FAM13B: variants seen among roughly 807,000 people sequenced by gnomAD.
FAM13B encodes the protein family with sequence similarity 13 member B.
Under a neutral mutation model 117.3 loss-of-function variants are expected in FAM13B, and 60 were observed. That is an observed-to-expected ratio of 0.51 (90% CI 0.42 to 0.63). FAM13B has a LOEUF of 0.63. FAM13B is among the 30% of genes least tolerant of loss of function. The pLI is 0.00. For missense variants in FAM13B, 972 were observed against 1,091.9 expected (o/e 0.89, Z 1.55); for synonymous variants, 332 against 356.1 (o/e 0.93, Z 0.76).
intron 10 of FAM13B, among the ~76,000 whole-genome samples, chr5:137,977,308 C>T (rs1774309948): frequency 6.6e-6 from 1 of 152,154 alleles, no homozygotes; most frequent in African/African-American, 2.4e-5. Context: ...TTAATTTCAC[C>T]CCAGTCCTGT....
chr5:138,043,442 C>CT (rs562460878), intron 1 of FAM13B, among the ~76,000 whole-genome samples: 2,490 of 138,408 alleles, frequency 0.018, 63 homozygotes, highest in African/African-American at 0.055. Flanking sequence ...TTCTTTCTTT[C>CT]TTTTTTTTTT....
At position 137,978,057 on chromosome 5, in the gene FAM13B, GTTTTGTT is replaced by G. The variant is rs1045427172; in HGVS notation, c.1179+7193_1179+7199del. On this transcript the variant is annotated intron_variant, in intron 10 of 23. Transcript: ENST00000689681. Reference sequence around the variant, plus strand: ...TAGTAATCTACACTTGGTTTTGTATGTTTTGTTTTTTGTTTTTTGTTTTTTTTTCAAA... The same window carrying G: ...TAGTAATCTACACTTGGTTTTGTATGTTTTGTTTTTTGTTTTTTTTTCAAA... Among the ~76,000 whole-genome samples, 40 of 151,638 alleles carry G rather than the reference GTTTTGTT, an allele frequency of 2.6e-4. 1 individual carries two copies. Among genetic ancestry groups the G allele is most frequent in the East Asian group, 1.6e-3 (8 of 5,160 alleles).
chr5:138,008,908 C>T (rs1485653371), intron 6 of FAM13B, among the ~76,000 whole-genome samples: 1 of 152,168 alleles, frequency 6.6e-6, no homozygotes, highest in Non-Finnish European at 1.5e-5. Context: ...TTTGGGAGGC[C>T]AAGGTGGGTG....
intron 7 of FAM13B, among the ~76,000 whole-genome samples, chr5:138,000,187 T>A (rs982574422): frequency 2.0e-5 from 3 of 152,156 alleles, no homozygotes; most frequent in Admixed American, 6.5e-5. Flanking sequence ...CACTTGCGCC[T>A]GGGAGCTTGA....
At chr5:137,986,449 A>T (rs7709289) in intron 9 of FAM13B, among the ~76,000 whole-genome samples, 2 of 147,268 alleles carry the variant, frequency 1.4e-5, no homozygotes, top group African/African-American at 2.6e-5. Flanking sequence ...AAAAATTGAT[A>T]TATGAAAAAC....
chr5:138,030,725 A>C (rs1789704630), intron 1 of FAM13B, among the ~76,000 whole-genome samples: 1 of 139,824 alleles, frequency 7.2e-6, no homozygotes, highest in African/African-American at 2.6e-5. Context: ...CCCCCCCCAA[A>C]AAAAAAAATT....
intron 10 of FAM13B, among the ~76,000 whole-genome samples, chr5:137,979,365 T>C (rs1240329192): frequency 6.6e-6 from 1 of 152,156 alleles, no homozygotes; most frequent in African/African-American, 2.4e-5. Context: ...CTACTGATTG[T>C]TGTTGTCCTT....
At chr5:138,034,422 C>G (rs955703030), upstream of FAM13B, among the ~76,000 whole-genome samples, 4 of 152,220 alleles carry the variant, frequency 2.6e-5, no homozygotes, top group Non-Finnish European at 5.9e-5. Flanking sequence ...TACTCTGATT[C>G]CAAACTCAGC....
At chr5:138,025,288 C>CATATATATATATATATATATAT (rs67314207) in intron 1 of FAM13B, among the ~76,000 whole-genome samples, 2 of 92,650 alleles carry the variant, frequency 2.2e-5, no homozygotes, top group Non-Finnish European at 3.9e-5. Flanking sequence ...CAAACAAAGC[C>CATATATATATATATATATATAT]ATATATATAT....
At chr5:137,986,199 G>A (rs1362329358) in intron 9 of FAM13B, among the ~76,000 whole-genome samples, 1 of 151,812 alleles carries the variant, frequency 6.6e-6, no homozygotes, top group Non-Finnish European at 1.5e-5. Flanking sequence ...TGCACTGGCT[G>A]GCAGTGCCAT....
intron 10 of FAM13B, among the ~76,000 whole-genome samples, chr5:137,966,488 T>TATAGAGAGAGAGAGAG (rs1461425784): frequency 8.8e-4 from 26 of 29,474 alleles, no homozygotes; most frequent in Non-Finnish European, 1.2e-3. Flanking sequence ...TATATATATA[T>TATAGAGAGAGAGAGAG]AGAGAGAGAG....
chr5:137,966,979 T>C (rs1040515239), intron 10 of FAM13B, among the ~76,000 whole-genome samples: 3 of 152,138 alleles, frequency 2.0e-5, no homozygotes, highest in Non-Finnish European at 2.9e-5. Context: ...CCATGATAAA[T>C]TCCAAATGGG....
rs779856268 is a variant in FAM13B at position 137,948,976 on chromosome 5, C to A, written c.2139G>T (p.Arg713Ser). 4 of 1,613,386 alleles carry A rather than the reference C, an allele frequency of 2.5e-6. No individual in the cohort carries two copies. The highest frequency in any genetic ancestry group is 3.3e-5 in the Admixed American group (2 of 59,988). ...TTACCTTGATATCTTCTGGAAGACA[C>A]CTCTCAATACGTTTTTCTTTCAGTC... ...LKRLKEKRIE[R>S]CLPEDIKKMT... is the part of the protein sequence containing the mutation. Residue 713 changes from arginine to serine, a missense_variant, in exon 18 of 24, where the codon AGG becomes AGT. Transcript: ENST00000689681.
rs565142638 is a variant in FAM13B, at chr5:137,975,840, A to C, written c.1179+9417T>G. ...CTGGGTTTTTTTTTTTCTTTCTGAC[A>C]TTTTTTAGTCTCTCCCTATCTAGTG... On this transcript the variant is annotated intron_variant, in intron 10 of 23. Transcript: ENST00000689681. Among the ~76,000 whole-genome samples the C allele has an allele frequency of 7.4e-5, 11 of 147,684 alleles. No homozygotes were observed. In the South Asian group the frequency reaches 2.0e-3, roughly 26 times the overall value.
chr5:138,009,204 T>C (rs909399747), intron 6 of FAM13B, among the ~76,000 whole-genome samples: 2 of 152,182 alleles, frequency 1.3e-5, no homozygotes, highest in African/African-American at 4.8e-5. Context: ...GTAAAGTACA[T>C]GCAGCAGATT....
At chr5:137,957,110 T>C (rs1249735496) in intron 13 of FAM13B, among the ~76,000 whole-genome samples, 1 of 152,214 alleles carries the variant, frequency 6.6e-6, no homozygotes, top group Non-Finnish European at 1.5e-5. Flanking sequence ...TACTTAGGAA[T>C]AGTGACATAG....
In FAM13B at chr5:137,949,036, T is replaced by C. The variant is rs1764191820; in HGVS notation, c.2079A>G (p.Pro693=). The change falls in exon 18 of 24, where the codon CCA becomes CCG. Residue 693 remains proline, a synonymous_variant. Transcript: ENST00000689681. Reference sequence around the variant, plus strand: ...TAAGTTCAAGGGTTGCTTCTTTAGATGGTTTTTTCTCCTTCTGAATGACCT... The same window carrying C: ...TAAGTTCAAGGGTTGCTTCTTTAGACGGTTTTTTCTCCTTCTGAATGACCT... ...EPKVIQKEKK[P]SKEATLELIL... is the part of the protein sequence containing the mutation. 6.2e-7 allele frequency: 1 copy of C among 1,614,136 alleles called. No individual in the cohort carries two copies. The highest frequency in any genetic ancestry group is 8.5e-7 in the Non-Finnish European group (1 of 1,180,034).
intron 4 of FAM13B, among the ~76,000 whole-genome samples, chr5:138,013,370 G>A (rs987744590): frequency 6.0e-5 from 9 of 151,044 alleles, no homozygotes; most frequent in African/African-American, 1.2e-4. Context: ...GTGTGTTGGC[G>A]GGTGCCTGTA....
At chr5:137,990,789 C>CA (rs923729880) in intron 7 of FAM13B, among the ~76,000 whole-genome samples, 14 of 150,872 alleles carry the variant, frequency 9.3e-5, no homozygotes, top group African/African-American at 2.9e-4. Flanking sequence ...ACCCCCATCT[C>CA]AAAAAAAATA....
Sources: gnomAD v4.1 joint callset for allele counts (sites outside exome capture counted in the v4.1 genomes callset) on GRCh38, gnomAD v4.1.1 for gene constraint, MANE v1.5 for transcripts, NCBI Gene and HGNC (gene_info 2026-07-23, HGNC 2026-07-21) for gene names.